CA12: variants seen among roughly 807,000 people sequenced by gnomAD.
The protein encoded by CA12 is carbonic anhydrase 12, also known as carbonate dehydratase XII.
In CA12, 36 loss-of-function variants were observed where a neutral mutation model predicts 46.8. The ratio of observed to expected loss-of-function variants is 0.77; its 90% CI spans 0.59 to 1.02. The LOEUF (loss-of-function observed/expected upper bound fraction) is 1.02. CA12 is among the 50% of genes least tolerant of loss of function. The pLI, the probability that CA12 is intolerant of heterozygous loss-of-function variation, is 0.00. For synonymous variants in CA12, 202 were observed against 187.0 expected (o/e 1.08, Z -0.65); for missense variants, 436 against 451.4 (o/e 0.97, Z 0.31).
At chr15:63,335,808 C>A (rs1339534043) in intron 8 of CA12, among the ~76,000 whole-genome samples, 1 of 152,142 alleles carries the variant, frequency 6.6e-6, no homozygotes, top group Non-Finnish European at 1.5e-5. Context: ...AAGTCTCACA[C>A]CGTAAACCTG....
chr15:63,359,811 G>A (rs1327207001), intron 2 of CA12, among the ~76,000 whole-genome samples: 1 of 152,142 alleles, frequency 6.6e-6, no homozygotes, highest in Non-Finnish European at 1.5e-5. Flanking sequence ...CCCTTGTTCA[G>A]ACCACTTGCC....
chr15:63,329,298 G>C lies in CA12; in HGVS notation c.875-1168C>G, dbSNP rs958970165. On this transcript the variant is annotated intron_variant, in intron 8 of 10. Coordinates refer to ENST00000178638, the MANE Select transcript of CA12 (RefSeq NM_001218.5). The surrounding 1 kb of genome is among the most constrained non-coding windows in gnomAD (Gnocchi z 4.8). ...TTACTGTTGAGGATAAATAAGGTGAGAGAGAAGTCCTCAGTGTGGCTGAAC... is the reference window on the plus strand; with the variant it reads ...TTACTGTTGAGGATAAATAAGGTGACAGAGAAGTCCTCAGTGTGGCTGAAC... 4.6e-5 allele frequency among the ~76,000 whole-genome samples: 7 copies of C among 152,332 alleles called. No homozygotes were observed. The highest frequency in any genetic ancestry group is 1.7e-4 in the African/African-American group (7 of 41,570).
chr15:63,344,018 T>C (rs1163555625), intron 4 of CA12, among the ~76,000 whole-genome samples: 9 of 152,222 alleles, frequency 5.9e-5, no homozygotes, highest in African/African-American at 2.2e-4. Flanking sequence ...ACAATGTAAA[T>C]GGATAACTTA....
Position 63,331,046 on chromosome 15 carries a change from C to T in CA12, c.875-2916G>A, listed in dbSNP as rs777859357. 5.9e-5 allele frequency among the ~76,000 whole-genome samples: 9 copies of T among 152,226 alleles called. No individual in the cohort carries two copies. Among genetic ancestry groups the T allele is most frequent in the Non-Finnish European group, 1.0e-4 (7 of 68,040 alleles). On this transcript the variant is annotated intron_variant, in intron 8 of 10. Transcript: ENST00000178638. This position sits in a 1 kb window ranked among gnomAD's most constrained non-coding sequence, Gnocchi z 5.3. ...CGGCGAGGGTGTCACCCGATAGTTC[C>T]ACCACCTCAGGAAGCCCAGGGCAGG...
intron 2 of CA12, among the ~76,000 whole-genome samples, chr15:63,359,730 GA>G (rs944046965): frequency 1.1e-4 from 17 of 151,862 alleles, no homozygotes; most frequent in Non-Finnish European, 2.2e-4. Flanking sequence ...TCCTGGATCA[GA>G]AAAAAAATGC....
intron 1 of CA12, among the ~76,000 whole-genome samples, chr15:63,376,881 G>A (rs1286785503): frequency 6.6e-6 from 1 of 151,886 alleles, no homozygotes; most frequent in African/African-American, 2.4e-5. Flanking sequence ...GGGCTCAAGC[G>A]ATCTGCCCAC....
In CA12 at chr15:63,340,594, CCTG is replaced by C; in HGVS notation, c.589+123_589+125del. 2 of 1,389,568 alleles carry C rather than the reference CCTG, an allele frequency of 1.4e-6. No individual in the cohort carries two copies. Among genetic ancestry groups the C allele is most frequent in the Non-Finnish European group, 2.0e-6 (2 of 976,974 alleles). The allele number at this position is 1,389,568 out of a possible 1,614,324, so 86.1% of individuals were successfully genotyped here. On this transcript the variant is annotated intron_variant, in intron 6 of 10. Transcript: ENST00000178638. This position sits in a 1 kb window ranked among gnomAD's most constrained non-coding sequence, Gnocchi z 4.4. ...ACCTGGTTGCAACATTGTTCAACAA[CCTG>C]CTGCTCTTAACCTGGTGAACACAGA... is the stretch of plus-strand genomic sequence containing the variant.
At chr15:63,376,710 G>A (rs1039109943) in intron 1 of CA12, among the ~76,000 whole-genome samples, 2 of 151,002 alleles carry the variant, frequency 1.3e-5, no homozygotes, top group Non-Finnish European at 3.0e-5. Context: ...TGGTGTGATC[G>A]CAGCTCACTG....
Position 63,330,253 on chromosome 15 carries a change from GT to G in CA12, c.875-2124del, listed in dbSNP as rs369297830. On this transcript the variant is annotated intron_variant, in intron 8 of 10. Transcript: ENST00000178638. The surrounding 1 kb of genome is among the most constrained non-coding windows in gnomAD (Gnocchi z 4.0). Reference sequence around the variant, plus strand: ...CCAGTGTTTGTACAGCACAAGCTCTGTTTCCTGCAGGGCCTGTGGCCTCTGC... The same window carrying G: ...CCAGTGTTTGTACAGCACAAGCTCTGTTCCTGCAGGGCCTGTGGCCTCTGC... 1.7e-4 allele frequency among the ~76,000 whole-genome samples: 26 copies of G among 152,332 alleles called. No individual in the cohort carries two copies. In the East Asian group the frequency reaches 5.0e-3, roughly 29 times the overall value.
chr15:63,358,925 A>C (rs994699564), intron 2 of CA12, among the ~76,000 whole-genome samples: 1 of 152,038 alleles, frequency 6.6e-6, no homozygotes, highest in African/African-American at 2.4e-5. Flanking sequence ...TGGTGGCACT[A>C]ACCCCCCACT....
At position 63,340,020 on chromosome 15, in the gene CA12, G is replaced by A; in HGVS notation, c.747+268C>T. On this transcript the variant is annotated intron_variant, in intron 7 of 10. Transcript: ENST00000178638. This position sits in a 1 kb window ranked among gnomAD's most constrained non-coding sequence, Gnocchi z 4.4. ...CTGCCTGGGAAGTGAATACCACCCA[G>A]CCACTGAGGATATATTAGCAAATGC... 1 of 469,212 alleles carries A rather than the reference G, an allele frequency of 2.1e-6. No homozygotes were observed. 29.1% of individuals were successfully genotyped at this position (469,212 alleles called of 1,614,324 possible). A position where few individuals can be genotyped will look rare whatever the true frequency, so the allele number is the denominator to read the frequency against.
At chr15:63,333,713 G>A (rs949192594) in intron 8 of CA12, among the ~76,000 whole-genome samples, 2 of 152,056 alleles carry the variant, frequency 1.3e-5, no homozygotes, top group Non-Finnish European at 2.9e-5. Context: ...TCCTTTTAAG[G>A]TTTCATAAAA....
rs144929065 is a variant in CA12 at position 63,340,317 on chromosome 15, G to A, written c.718C>T (p.Arg240Ter). 2.9e-4 allele frequency: 471 copies of A among 1,614,032 alleles called. No homozygotes were observed. Among genetic ancestry groups the A allele is most frequent in the Non-Finnish European group, 3.8e-4 (454 of 1,180,034 alleles). ...TCCTGGGAAATTTGCACGGGGTTTC[G>A]GAAAACTGTCCAGAGCACAGTGGGG... ...CNPTVLWTVF[R>*]NPVQISQEQL... The change falls in exon 7 of 11, where the codon CGA becomes TGA. Residue 240 changes from arginine (R) to a stop codon, truncating the protein, a stop_gained. Coordinates refer to ENST00000178638, the MANE Select transcript of CA12 (RefSeq NM_001218.5). LOFTEE classifies it high-confidence loss of function. This position sits in a 1 kb window ranked among gnomAD's most constrained non-coding sequence, Gnocchi z 4.4.
chr15:63,358,565 C>T (rs993659914), intron 2 of CA12, among the ~76,000 whole-genome samples: 5 of 152,174 alleles, frequency 3.3e-5, no homozygotes, highest in Non-Finnish European at 7.3e-5. Flanking sequence ...TCTCCCCATC[C>T]GCCTTCCCAG....
intron 8 of CA12, among the ~76,000 whole-genome samples, chr15:63,332,036 T>C (rs548458411): frequency 6.6e-6 from 1 of 152,244 alleles, no homozygotes; most frequent in Non-Finnish European, 1.5e-5. Flanking sequence ...GCATGTTACG[T>C]AGCGATATCC....
chr15:63,379,626 C>G (rs552565996), intron 1 of CA12, among the ~76,000 whole-genome samples: 1 of 152,336 alleles, frequency 6.6e-6, no homozygotes, highest in Non-Finnish European at 1.5e-5. Flanking sequence ...CTGTTAGAAC[C>G]TGCAGACCCA....
In CA12 at chr15:63,346,583, C is replaced by T; in HGVS notation, c.233G>A (p.Gly78Asp). Residue 78 changes from glycine to aspartate, a missense_variant, in exon 3 of 11, where the codon GGC becomes GAC. Gly to Asp is a moderately conservative substitution (Grantham distance 94). Coordinates refer to ENST00000178638, the MANE Select transcript of CA12 (RefSeq NM_001218.5). ...CTGCTTGTTGGCAGACAGATTGTAGCCTTGGAACTCGAGGGGCGTGAGGCT... is the reference window on the plus strand; with the variant it reads ...CTGCTTGTTGGCAGACAGATTGTAGTCTTGGAACTCGAGGGGCGTGAGGCT... The part of the protein sequence containing the change: ...DASLTPLEFQ[G>D]YNLSANKQFL... The T allele has an allele frequency of 2.5e-6, 4 of 1,614,078 alleles. No individual in the cohort carries two copies. Among genetic ancestry groups the T allele is most frequent in the Non-Finnish European group, 3.4e-6 (4 of 1,180,012 alleles).
chr15:63,346,848 T>C, intron 2 of CA12, 139 bp from the exon 3 acceptor site: 1 of 985,222 alleles, frequency 1.0e-6, no homozygotes, highest in Non-Finnish European at 1.5e-6. Flanking sequence ...AGGCTCAGAG[T>C]CTTGGCCTCC....
In CA12 at chr15:63,325,003, G is replaced by A. The variant is rs1323872179; in HGVS notation, c.*1282C>T. ...TCCACAGGGTTCTCACCTGCGGGAG[G>A]AAAATGGAGGAGTTGCGCCTGTCAG... On this transcript the variant is annotated 3_prime_UTR_variant, in exon 11 of 11. Transcript: ENST00000178638. This position sits in a 1 kb window ranked among gnomAD's most constrained non-coding sequence, Gnocchi z 4.9. 1.3e-5 allele frequency: 2 copies of A among 152,208 alleles called. No homozygotes were observed. Among genetic ancestry groups the A allele is most frequent in the Non-Finnish European group, 2.9e-5 (2 of 68,050 alleles). 9.4% of individuals were successfully genotyped at this position (152,208 alleles called of 1,614,324 possible).
Sources: gnomAD v4.1 joint callset for allele counts (sites outside exome capture counted in the v4.1 genomes callset) on GRCh38, gnomAD v4.1.1 for gene constraint, Gnocchi (gnomAD v3.1) non-coding constraint, MANE v1.5 for transcripts, NCBI Gene and HGNC (gene_info 2026-07-23, HGNC 2026-07-21) for gene names.